Variants in BMP1 observed in about 807,000 individuals in gnomAD.
The protein encoded by BMP1 is mammalian tolloid protein.
A neutral mutation model predicts 116.8 loss-of-function variants in BMP1; 63 were observed. The observed-to-expected ratio is 0.54, with a 90% CI of 0.44 to 0.67. The LOEUF is 0.67. BMP1 is among the 30% of genes least tolerant of loss of function. The pLI, the probability that BMP1 is intolerant of heterozygous loss-of-function variation, is 0.00. For missense variants in BMP1, 1,183 were observed against 1,358.9 expected (o/e 0.87, Z 2.04); for synonymous variants, 536 against 533.4 (o/e 1.00, Z -0.07).
In BMP1 at chr8:22,197,267, C is replaced by T. The variant is rs752066503; in HGVS notation, c.1954C>T (p.Arg652Cys). ...GTGCAAGTACGACTTCGTGGAGGTG[C>T]GCAGTGGACTCACAGCTGACTCCAA... is the stretch of plus-strand genomic sequence containing the variant. ...DVCKYDFVEV[R>C]SGLTADSKLH... Residue 652 changes from arginine to cysteine, a missense_variant, in exon 15 of 20, where the codon CGC becomes TGC. By Grantham distance (180) the Arg-to-Cys change is radical. Around this residue, in one of 4 missense-constraint regions of BMP1, gnomAD observed 956 missense variants for 1,135.2 expected, o/e 0.84. Coordinates refer to ENST00000306385, the MANE Select transcript of BMP1 (RefSeq NM_006129.5). 1.5e-5 allele frequency: 25 copies of T among 1,613,032 alleles called. No homozygotes were observed. The highest frequency in any genetic ancestry group is 1.8e-5 in the Non-Finnish European group (21 of 1,179,104).
chr8:22,180,297 G>A (rs1379983387), intron 7 of BMP1, 71 bp from the exon 8 acceptor site: 3 of 1,279,698 alleles, frequency 2.3e-6, no homozygotes, highest in African/African-American at 1.5e-5. Flanking sequence ...CCAAGGTTCA[G>A]GGGTGGGTGA....
rs1828542709 is a variant in BMP1, at chr8:22,179,256, G to T, written c.837-449G>T. On this transcript the variant is annotated intron_variant, in intron 6 of 19. Coordinates refer to ENST00000306385, the MANE Select transcript of BMP1 (RefSeq NM_006129.5). This position sits in a 1 kb window ranked among gnomAD's most constrained non-coding sequence, Gnocchi z 4.6. ...CCAGGTGCTTTCAGATGCAGCCTGT[G>T]CCAGCAGGGTGAGGAGCTGGCCTGG... is the stretch of plus-strand genomic sequence containing the variant. 6.6e-6 allele frequency among the ~76,000 whole-genome samples: 1 copy of T among 152,258 alleles called. No individual in the cohort carries two copies. The highest frequency in any genetic ancestry group is 6.5e-5 in the Admixed American group (1 of 15,290).
intron 19 of BMP1, 141 bp downstream of exon 19, chr8:22,209,836 G>A (rs895901879): frequency 1.5e-4 from 138 of 930,098 alleles, no homozygotes; most frequent in Non-Finnish European, 2.1e-4. Flanking sequence ...CCCTGTGTGG[G>A]AGCCCAGAAG....
chr8:22,188,593 A>G (rs541285597), intron 8 of BMP1, among the ~76,000 whole-genome samples: 1 of 152,384 alleles, frequency 6.6e-6, no homozygotes, highest in Non-Finnish European at 1.5e-5. Context: ...CCCTGCCACC[A>G]GAGCACAGCT....
chr8:22,208,625 G>C (rs1829407870), intron 18 of BMP1, among the ~76,000 whole-genome samples: 1 of 152,226 alleles, frequency 6.6e-6, no homozygotes. Flanking sequence ...CCGAAGCAAT[G>C]GGTGTGTGAG....
At chr8:22,197,493 C>T (rs1275849691) in intron 15 of BMP1, 73 bp downstream of exon 15, 1 of 1,503,908 alleles carries the variant, frequency 6.6e-7, no homozygotes, top group Non-Finnish European at 9.1e-7. Context: ...CCTGCCCCTG[C>T]ACCCCTGTAC....
rs949267757 is a variant in BMP1 at position 22,194,825 on chromosome 8, T to G, written c.1545T>G (p.Pro515=). Residue 515 remains proline, a synonymous_variant, in exon 12 of 20, where the codon CCT becomes CCG. Transcript: ENST00000306385. This position sits in a 1 kb window ranked among gnomAD's most constrained non-coding sequence, Gnocchi z 4.5. ...LIGRYCGYEK[P]DDIKSTSSRL... is the part of the protein sequence containing the mutation. Reference sequence around the variant, plus strand: ...GGCGCTACTGTGGCTATGAGAAGCCTGATGACATCAAGAGCACGTCCAGCC... The same window carrying G: ...GGCGCTACTGTGGCTATGAGAAGCCGGATGACATCAAGAGCACGTCCAGCC... 1 of 1,614,078 alleles carries G rather than the reference T, an allele frequency of 6.2e-7. No individual in the cohort carries two copies. Among genetic ancestry groups the G allele is most frequent in the African/African-American group, 1.3e-5 (1 of 74,944 alleles).
At position 22,183,515 on chromosome 8, in the gene BMP1, T is replaced by G. The variant is rs115320540; in HGVS notation, c.1077+3032T>G. Among the ~76,000 whole-genome samples, 787 of 152,266 alleles carry G rather than the reference T, an allele frequency of 5.2e-3. 10 individuals carry two copies. The highest frequency in any genetic ancestry group is 0.018 in the African/African-American group (754 of 41,554). On this transcript the variant is annotated intron_variant, in intron 8 of 19. Transcript: ENST00000306385. The stretch of plus-strand genomic sequence containing the variant: ...CTAGAGGGTTCCCATTACTCCATCC[T>G]TGGGAAATCTCACCCACCGATAATA...
intron 9 of BMP1, among the ~76,000 whole-genome samples, chr8:22,192,591 T>C (rs1828966044): frequency 6.6e-6 from 1 of 152,196 alleles, no homozygotes; most frequent in Non-Finnish European, 1.5e-5. Flanking sequence ...AAGAGAGTCA[T>C]CATAACCTGC....
intron 14 of BMP1, 37 bp downstream of exon 14, chr8:22,196,877 C>A (rs751923618): frequency 1.3e-6 from 2 of 1,587,546 alleles, no homozygotes; most frequent in Non-Finnish European, 1.7e-6. Context: ...GGGCAGGAAG[C>A]TGTGAGGCGT....
At chr8:22,199,901 G>T (rs185520466) in intron 15 of BMP1, among the ~76,000 whole-genome samples, 22 of 152,290 alleles carry the variant, frequency 1.4e-4, no homozygotes, top group Admixed American at 1.4e-3. Context: ...GCCCCTAGGG[G>T]TCTAACCTAC....
Position 22,165,551 on chromosome 8 carries a change from C to A in BMP1, c.146C>A (p.Ala49Glu). ...CTCAACTACAAAGACCCCTGCAAGGCGGGTGAGCGCCCCCCGGCCCCCCGG... is the reference window on the plus strand; with the variant it reads ...CTCAACTACAAAGACCCCTGCAAGGAGGGTGAGCGCCCCCCGGCCCCCCGG... ...EPLNYKDPCKAAAFLGDIALD... is the reference protein window; with the variant it reads ...EPLNYKDPCKEAAFLGDIALD... Residue 49 changes from alanine to glutamate, a missense_variant and splice_region_variant, in exon 1 of 20, where the codon GCG becomes GAG. Transcript: ENST00000306385. 1.3e-6 allele frequency: 2 copies of A among 1,579,590 alleles called. No homozygotes were observed. The highest frequency in any genetic ancestry group is 1.7e-6 in the Non-Finnish European group (2 of 1,166,588).
chr8:22,174,627 C>CTTTTTTTTT (rs57781366), intron 2 of BMP1, among the ~76,000 whole-genome samples: 2 of 106,286 alleles, frequency 1.9e-5, no homozygotes, highest in African/African-American at 3.8e-5. Context: ...TTTTTTCTGT[C>CTTTTTTTTT]TTTTTTTTTT....
intron 5 of BMP1, 123 bp downstream of exon 5, chr8:22,177,262 G>T: frequency 9.4e-7 from 1 of 1,067,536 alleles, no homozygotes. Flanking sequence ...CCGCAGCGCT[G>T]CCCACAGCCT....
chr8:22,185,994 C>A lies in BMP1; in HGVS notation c.1077+5511C>A, dbSNP rs541839963. Among the ~76,000 whole-genome samples the A allele has an allele frequency of 5.6e-4, 85 of 152,214 alleles. 1 individual carries two copies. The highest frequency in any genetic ancestry group is 2.5e-4 in the Non-Finnish European group (17 of 68,004). On this transcript the variant is annotated intron_variant, in intron 8 of 19. Transcript: ENST00000306385. ...GGGATTACAGGCGCCTGCCACCACG[C>A]CCGGCTAATTTTTGTATTTTTAGTA... is the stretch of plus-strand genomic sequence containing the variant.
intron 13 of BMP1, chr8:22,196,207 C>A (rs1418153320): frequency 3.8e-6 from 2 of 523,642 alleles, no homozygotes; most frequent in Admixed American, 1.9e-5. Flanking sequence ...GGTTGGGAAA[C>A]CCCTGTTGTG....
At chr8:22,178,282 C>T (rs1828512312) in intron 6 of BMP1, among the ~76,000 whole-genome samples, 1 of 152,206 alleles carries the variant, frequency 6.6e-6, no homozygotes, top group Admixed American at 6.5e-5. Context: ...TATTTGTGGG[C>T]CATTTGTTTG....
At chr8:22,176,797 T>G (rs1030886223) in intron 4 of BMP1, 147 bp downstream of exon 4, 3 of 1,009,512 alleles carry the variant, frequency 3.0e-6, no homozygotes, top group Non-Finnish European at 4.5e-6. Flanking sequence ...AACTGCCCCC[T>G]GTGCGGCTGT....
chr8:22,185,619 A>T (rs1387205247), intron 8 of BMP1, among the ~76,000 whole-genome samples: 2 of 140,888 alleles, frequency 1.4e-5, no homozygotes, highest in African/African-American at 6.5e-5. Flanking sequence ...TTCAAGGTCC[A>T]ACCCAAATTC....
Sources: gnomAD v4.1 joint callset for allele counts (sites outside exome capture counted in the v4.1 genomes callset) on GRCh38, gnomAD v4.1.1 for gene constraint, gnomAD v4.1.1 regional missense constraint, Gnocchi (gnomAD v3.1) non-coding constraint, MANE v1.5 for transcripts, NCBI Gene and HGNC (gene_info 2026-07-23, HGNC 2026-07-21) for gene names.